Variants in ASTN2 observed in about 807,000 individuals in gnomAD.
ASTN2 encodes astrotactin 2.
Under a neutral mutation model 139.8 loss-of-function variants are expected in ASTN2, and 54 were observed. The ratio of observed to expected loss-of-function variants is 0.39; its 90% CI spans 0.31 to 0.48. The LOEUF is 0.48. Ranked by LOEUF, ASTN2 falls within the 20% of genes least tolerant of loss-of-function variation. The pLI is 0.95. For synonymous variants in ASTN2, 756 were observed against 719.5 expected (o/e 1.05, Z -0.81); for missense variants, 1,565 against 1,725.1 (o/e 0.91, Z 1.64).
At position 116,962,223 on chromosome 9, in the gene ASTN2, A is replaced by AAT. The variant is rs553798051; in HGVS notation, c.1889+12983_1889+12984dup. On this transcript the variant is annotated intron_variant, in intron 10 of 22. Coordinates refer to ENST00000313400, the MANE Select transcript of ASTN2 (RefSeq NM_001365068.1). ...CACCTGGGACTTGTTCTCTTTCTGG[A>AAT]ATATCCCAGCATGGGCATCCTATCC... 5.3e-5 allele frequency among the ~76,000 whole-genome samples: 8 copies of AAT among 152,324 alleles called. No homozygotes were observed. In the East Asian group the frequency reaches 1.5e-3, roughly 29 times the overall value.
At chr9:117,220,935 C>T (rs1439155873) in intron 2 of ASTN2, among the ~76,000 whole-genome samples, 1 of 152,174 alleles carries the variant, frequency 6.6e-6, no homozygotes, top group Non-Finnish European at 1.5e-5. Flanking sequence ...GGCTCCAGTC[C>T]TCTGGCTGTT....
intron 3 of ASTN2, among the ~76,000 whole-genome samples, chr9:117,177,331 A>G (rs1221816145): frequency 6.6e-6 from 1 of 152,204 alleles, no homozygotes; most frequent in Non-Finnish European, 1.5e-5. Context: ...TGAGGGACAA[A>G]TCAGTTAAAT....
rs59564628 is a variant in ASTN2 at position 117,016,656 on chromosome 9, A to AGGTTATATATATATGTT, written c.1424-8398_1424-8397insAACATATATATATAACC. Reference sequence around the variant, plus strand: ...TATATATATATATATATATATATATAACCTATATATATGTTACATATATAT... The same window carrying AGGTTATATATATATGTT: ...TATATATATATATATATATATATATAGGTTATATATATATGTTACCTATATATATGTTACATATATAT... On this transcript the variant is annotated intron_variant, in intron 6 of 22. Transcript: ENST00000313400. 6.7e-4 allele frequency among the ~76,000 whole-genome samples: 18 copies of AGGTTATATATATATGTT among 26,808 alleles called. 1 individual carries two copies. The highest frequency in any genetic ancestry group is 1.8e-3 in the African/African-American group (14 of 7,976). 17.6% of individuals were successfully genotyped at this position (26,808 alleles called of 152,430 possible).
intron 3 of ASTN2, among the ~76,000 whole-genome samples, chr9:117,163,444 A>G (rs1564456595): frequency 6.6e-6 from 1 of 152,128 alleles, no homozygotes; most frequent in Non-Finnish European, 1.5e-5. Flanking sequence ...AGGAAATAAG[A>G]GTAAAGATGC....
At chr9:116,565,387 C>CTATA (rs1491583433) in intron 19 of ASTN2, among the ~76,000 whole-genome samples, 13 of 42,096 alleles carry the variant, frequency 3.1e-4, no homozygotes, top group Non-Finnish European at 3.7e-4. Flanking sequence ...CTCTCTCTCT[C>CTATA]CATATATATA....
intron 13 of ASTN2, among the ~76,000 whole-genome samples, chr9:116,790,236 T>G (rs1830494916): frequency 6.6e-6 from 1 of 151,974 alleles, no homozygotes; most frequent in East Asian, 1.9e-4. Context: ...TACCCTTACT[T>G]TTCTCATCAC....
At chr9:116,668,295 G>A (rs1049485367) in intron 16 of ASTN2, among the ~76,000 whole-genome samples, 3 of 151,140 alleles carry the variant, frequency 2.0e-5, no homozygotes, top group South Asian at 2.1e-4. Flanking sequence ...AGGTTCAAGC[G>A]ATTCTCCCGC....
In ASTN2 at chr9:117,283,137, G is replaced by A. The variant is rs551737792; in HGVS notation, c.630+8189C>T. ...GCATTTCTATAGCCGGTATGTGGAAGTCTAAGCTTGAAACCAGGCCTCCTG... is the reference window on the plus strand; with the variant it reads ...GCATTTCTATAGCCGGTATGTGGAAATCTAAGCTTGAAACCAGGCCTCCTG... On this transcript the variant is annotated intron_variant, in intron 2 of 22. Transcript: ENST00000313400. Among the ~76,000 whole-genome samples the A allele has an allele frequency of 2.4e-4, 36 of 152,330 alleles. No individual in the cohort carries two copies. The South Asian group carries it at 7.2e-3, about 31-fold the overall frequency.
chr9:116,540,940 A>C (rs1271219198), intron 19 of ASTN2, among the ~76,000 whole-genome samples: 1 of 151,960 alleles, frequency 6.6e-6, no homozygotes, highest in African/African-American at 2.4e-5. Context: ...TGAACATGAA[A>C]ATTTTTACAA....
At chr9:116,881,020 C>G (rs544467540) in intron 10 of ASTN2, among the ~76,000 whole-genome samples, 2 of 151,988 alleles carry the variant, frequency 1.3e-5, no homozygotes, top group Non-Finnish European at 2.9e-5. Context: ...GAAGAGGTAG[C>G]CACACATGGA....
chr9:117,220,427 C>T (rs887045430), intron 2 of ASTN2, among the ~76,000 whole-genome samples: 2 of 152,102 alleles, frequency 1.3e-5, no homozygotes, highest in Non-Finnish European at 2.9e-5. Flanking sequence ...ACTCACTCGA[C>T]CTGGAATCTC....
chr9:116,471,535 C>T (rs769270363), intron 20 of ASTN2, among the ~76,000 whole-genome samples: 6 of 151,400 alleles, frequency 4.0e-5, no homozygotes, highest in Non-Finnish European at 8.8e-5. Context: ...AACAAACACG[C>T]GAAGAATGTT....
At chr9:117,179,790 C>T in intron 3 of ASTN2, among the ~76,000 whole-genome samples, 1 of 152,150 alleles carries the variant, frequency 6.6e-6, no homozygotes, top group Admixed American at 6.5e-5. Context: ...CATTCAGACC[C>T]CACTGCAGAT....
At chr9:116,789,316 A>T (rs1036171592) in intron 13 of ASTN2, among the ~76,000 whole-genome samples, 9 of 152,190 alleles carry the variant, frequency 5.9e-5, no homozygotes, top group African/African-American at 2.2e-4. Flanking sequence ...TCAGGCATAC[A>T]ATGAATTAAC....
chr9:116,466,921 A>C (rs60968819), intron 20 of ASTN2, among the ~76,000 whole-genome samples: 2,361 of 152,254 alleles, frequency 0.016, 61 homozygotes, highest in African/African-American at 0.054. Context: ...CCTTACCCAG[A>C]CATTGTTACG....
intron 2 of ASTN2, among the ~76,000 whole-genome samples, chr9:117,278,735 C>G (rs1392248813): frequency 2.0e-5 from 3 of 152,150 alleles, no homozygotes; most frequent in African/African-American, 4.8e-5. Flanking sequence ...GGAACATTAG[C>G]AGCCGAAGTT....
chr9:116,608,622 G>A (rs1307599391), intron 19 of ASTN2, among the ~76,000 whole-genome samples: 1 of 152,002 alleles, frequency 6.6e-6, no homozygotes, highest in African/African-American at 2.4e-5. Context: ...TTGAACAAAA[G>A]AGTTTGAACA....
intron 16 of ASTN2, among the ~76,000 whole-genome samples, chr9:116,668,457 G>C (rs982234060): frequency 6.6e-6 from 1 of 152,194 alleles, no homozygotes; most frequent in Non-Finnish European, 1.5e-5. Flanking sequence ...CTCCCAAAAT[G>C]CTGGGATTAT....
At chr9:117,154,683 C>T (rs1830395115) in intron 3 of ASTN2, among the ~76,000 whole-genome samples, 1 of 151,940 alleles carries the variant, frequency 6.6e-6, no homozygotes, top group Non-Finnish European at 1.5e-5. Flanking sequence ...TGAGATAAAA[C>T]AAATGGTTAA....
Sources: gnomAD v4.1 joint callset for allele counts (sites outside exome capture counted in the v4.1 genomes callset) on GRCh38, gnomAD v4.1.1 for gene constraint, MANE v1.5 for transcripts, NCBI Gene and HGNC (gene_info 2026-07-23, HGNC 2026-07-21) for gene names.